The following HDAC4 variants were observed in gnomAD, a reference collection of about 807,000 sequenced individuals.
HDAC4 encodes the protein histone deacetylase 4, also known as histone deacetylase A.
Under a neutral mutation model 135.1 loss-of-function variants are expected in HDAC4, and 16 were observed. That is an observed-to-expected ratio of 0.12 (90% CI 0.08 to 0.18). HDAC4 has a LOEUF of 0.18. HDAC4 is among the 10% of genes least tolerant of loss of function. The pLI is 1.00. For synonymous variants in HDAC4, 685 were observed against 653.4 expected, an observed-to-expected ratio of 1.05 and a Z score of -0.74; for missense variants, 1,143 against 1,511.8, an observed-to-expected ratio of 0.76 and a Z score of 4.05.
intron 22 of HDAC4, among the ~76,000 whole-genome samples, chr2:239,071,642 G>A (rs769058570): frequency 1.4e-4 from 21 of 152,070 alleles, no homozygotes; most frequent in Non-Finnish European, 2.5e-4. Context: ...CTCGGTAGCC[G>A]GTGCTGTGGT....
intron 2 of HDAC4, among the ~76,000 whole-genome samples, chr2:239,305,818 C>A (rs1046019263): frequency 3.9e-5 from 6 of 152,200 alleles, no homozygotes; most frequent in Non-Finnish European, 8.8e-5. Flanking sequence ...CACGTGCACA[C>A]AGGAAGCTTT....
At chr2:239,397,007 C>T (rs897156221) in intron 1 of HDAC4, among the ~76,000 whole-genome samples, 1 of 152,152 alleles carries the variant, frequency 6.6e-6, no homozygotes, top group South Asian at 2.1e-4. Flanking sequence ...CATAAGACAG[C>T]ATGAGAAAGC....
chr2:239,282,840 T>C (rs181966777), intron 2 of HDAC4, among the ~76,000 whole-genome samples: 4 of 141,218 alleles, frequency 2.8e-5, no homozygotes, highest in African/African-American at 1.1e-4. Context: ...CACTCTACAA[T>C]GTACATACCA....
At chr2:239,274,522 A>G (rs1312121270) in intron 2 of HDAC4, among the ~76,000 whole-genome samples, 2 of 152,242 alleles carry the variant, frequency 1.3e-5, no homozygotes, top group Non-Finnish European at 2.9e-5. Flanking sequence ...TAACTAGGAA[A>G]CTAGGACAAC....
intron 9 of HDAC4, among the ~76,000 whole-genome samples, chr2:239,134,996 A>G (rs1199107579): frequency 6.6e-6 from 1 of 152,264 alleles, no homozygotes; most frequent in Non-Finnish European, 1.5e-5. Flanking sequence ...AGGATAATAT[A>G]GTTTACAATG....
At chr2:239,363,817 T>C (rs1020027910) in intron 1 of HDAC4, among the ~76,000 whole-genome samples, 1 of 152,108 alleles carries the variant, frequency 6.6e-6, no homozygotes, top group African/African-American at 2.4e-5. Flanking sequence ...CTGCCACACA[T>C]ACACCCAGCA....
At chr2:239,105,031 C>A (rs754256569) in intron 15 of HDAC4, among the ~76,000 whole-genome samples, 1 of 152,240 alleles carries the variant, frequency 6.6e-6, no homozygotes, top group Non-Finnish European at 1.5e-5. Flanking sequence ...CAGGCTGTAG[C>A]GTGCAATATT....
intron 3 of HDAC4, among the ~76,000 whole-genome samples, chr2:239,201,766 T>C (rs2045769276): frequency 6.6e-6 from 1 of 152,218 alleles, no homozygotes; most frequent in South Asian, 2.1e-4. Flanking sequence ...AAACAGTATT[T>C]TCACTGCTAA....
intron 2 of HDAC4, among the ~76,000 whole-genome samples, chr2:239,258,783 T>C (rs745518643): frequency 1.3e-5 from 2 of 152,088 alleles, no homozygotes; most frequent in Non-Finnish European, 2.9e-5. Context: ...AAGGGCACAG[T>C]GAAATGGCAG....
intron 1 of HDAC4, among the ~76,000 whole-genome samples, chr2:239,395,122 C>A (rs1402680539): frequency 1.6e-4 from 24 of 152,114 alleles, no homozygotes; most frequent in Admixed American, 1.6e-3. Context: ...GTGCAAAGGC[C>A]CCGAGGTCAA....
chr2:239,070,850 G>A (rs2034115466), intron 22 of HDAC4, among the ~76,000 whole-genome samples: 1 of 151,574 alleles, frequency 6.6e-6, no homozygotes, highest in Admixed American at 6.6e-5. Context: ...CTTTTGCAAT[G>A]GTGACCGCAG....
chr2:239,096,900 C>T (rs576054326), intron 16 of HDAC4, among the ~76,000 whole-genome samples: 34 of 152,270 alleles, frequency 2.2e-4, no homozygotes, highest in African/African-American at 8.2e-4. Context: ...ATGGCCACGT[C>T]CACGGCCCGG....
upstream of HDAC4, chr2:239,401,457 G>C (rs1470759823): frequency 6.1e-6 from 1 of 164,464 alleles, no homozygotes; most frequent in African/African-American, 2.4e-5. Context: ...GAGGCGCAGG[G>C]ACCGGGGGCC....
chr2:239,399,605 T>G (rs1277421781), intron 1 of HDAC4, among the ~76,000 whole-genome samples: 3 of 152,200 alleles, frequency 2.0e-5, no homozygotes, highest in African/African-American at 2.4e-5. Context: ...CCAGTCCTGC[T>G]GGGCTGGCGC....
At chr2:239,203,931 G>A (rs1575399763) in intron 3 of HDAC4, among the ~76,000 whole-genome samples, 1 of 152,354 alleles carries the variant, frequency 6.6e-6, no homozygotes, top group East Asian at 1.9e-4. Context: ...ACTGAAGAGG[G>A]AGAAAGAAAC....
chr2:239,311,834 G>A (rs997104628), intron 2 of HDAC4, among the ~76,000 whole-genome samples: 6 of 152,180 alleles, frequency 3.9e-5, no homozygotes, highest in Non-Finnish European at 8.8e-5. Flanking sequence ...GGAGAAGTCT[G>A]GACCGGAGCC....
intron 2 of HDAC4, among the ~76,000 whole-genome samples, chr2:239,343,338 A>G (rs1178821027): frequency 2.0e-5 from 3 of 152,244 alleles, no homozygotes; most frequent in Non-Finnish European, 4.4e-5. Flanking sequence ...TGGTTATGCC[A>G]ATCACCCAGT....
intron 2 of HDAC4, among the ~76,000 whole-genome samples, chr2:239,242,700 G>A (rs948556709): frequency 6.6e-6 from 1 of 152,114 alleles, no homozygotes; most frequent in Non-Finnish European, 1.5e-5. Context: ...AAGACACTTT[G>A]GTCTTGTTTC....
chr2:239,377,113 T>C (rs2126035800), intron 1 of HDAC4, among the ~76,000 whole-genome samples: 1 of 152,310 alleles, frequency 6.6e-6, no homozygotes, highest in African/African-American at 2.4e-5. Context: ...GCCCAGATGC[T>C]GTCCTCCCAA....
Sources: allele counts gnomAD v4.1 joint callset (sites outside exome capture counted in the v4.1 genomes callset), GRCh38; gene constraint gnomAD v4.1.1; transcripts MANE v1.5; gene names NCBI Gene and HGNC (gene_info 2026-07-23, HGNC 2026-07-21).